Variants in TMEM217 observed in about 807,000 individuals in gnomAD.
TMEM217 encodes the protein transmembrane protein 217.
For missense variants in TMEM217, 204 were observed against 248.8 expected, an observed-to-expected ratio of 0.82 and a Z score of 1.21; for synonymous variants, 76 against 88.3, an observed-to-expected ratio of 0.86 and a Z score of 0.78.
At chr6:37,251,463 T>C (rs759753552) in intron 1 of TMEM217, among the ~76,000 whole-genome samples, 2 of 152,196 alleles carry the variant, frequency 1.3e-5, no homozygotes, top group Non-Finnish European at 2.9e-5. Context: ...GAAATGAGAA[T>C]TGAGGAATAT....
chr6:37,215,227 T>C (rs772858655), downstream of TMEM217: 1 of 1,613,960 alleles, frequency 6.2e-7, no homozygotes, highest in Non-Finnish European at 8.5e-7. Flanking sequence ...TATCTACAGG[T>C]GCTGGGGGCT....
chr6:37,230,736 G>A (rs1412494281), intron 1 of TMEM217, among the ~76,000 whole-genome samples: 1 of 152,134 alleles, frequency 6.6e-6, no homozygotes, highest in Non-Finnish European at 1.5e-5. Context: ...TGTAGTTATA[G>A]AAGCCCTAGC....
intron 1 of TMEM217, among the ~76,000 whole-genome samples, chr6:37,224,929 A>G (rs1583444548): frequency 6.6e-6 from 1 of 152,078 alleles, no homozygotes; most frequent in African/African-American, 2.4e-5. Flanking sequence ...CTGTAATCCC[A>G]GCACTTTGGG....
downstream of TMEM217, chr6:37,212,828 G>T: frequency 1.0e-6 from 1 of 995,010 alleles, no homozygotes; most frequent in Non-Finnish European, 1.6e-6. Flanking sequence ...CAAGTGACTA[G>T]CTCCGACTTT....
intron 1 of TMEM217, among the ~76,000 whole-genome samples, chr6:37,256,016 A>G (rs551967179): frequency 1.3e-5 from 2 of 152,218 alleles, no homozygotes; most frequent in Non-Finnish European, 2.9e-5. Context: ...TTCATAGAAG[A>G]TTAAGAAAAA....
intron 1 of TMEM217, among the ~76,000 whole-genome samples, chr6:37,221,712 A>G (rs2113822097): frequency 6.6e-6 from 1 of 152,346 alleles, no homozygotes; most frequent in Middle Eastern, 3.4e-3. Flanking sequence ...CTCTGTGGCC[A>G]GCGGCACCTT....
intron 1 of TMEM217, among the ~76,000 whole-genome samples, chr6:37,252,635 ATATTTTTT>A (rs1235610563): frequency 0.027 from 1,608 of 60,236 alleles, 18 homozygotes; most frequent in African/African-American, 0.084. Flanking sequence ...ATATATATAT[ATATTTTTT>A]TTTTTTTTTT....
intron 1 of TMEM217, among the ~76,000 whole-genome samples, chr6:37,225,867 C>A (rs1012455409): frequency 6.6e-5 from 10 of 152,072 alleles, no homozygotes; most frequent in Non-Finnish European, 1.5e-4. Context: ...ATTAGGGGTG[C>A]TCTCACCTTC....
At chr6:37,233,370 T>C (rs775719454) in intron 1 of TMEM217, among the ~76,000 whole-genome samples, 10 of 152,132 alleles carry the variant, frequency 6.6e-5, no homozygotes, top group Non-Finnish European at 1.2e-4. Flanking sequence ...ACTGGGAAAT[T>C]TATAAACAAC....
chr6:37,251,855 T>C (rs1765416545), intron 1 of TMEM217, among the ~76,000 whole-genome samples: 1 of 152,264 alleles, frequency 6.6e-6, no homozygotes, highest in African/African-American at 2.4e-5. Context: ...TCTGGTATGC[T>C]ATTTTTATAT....
At chr6:37,233,777 A>T (rs1764338624) in intron 1 of TMEM217, among the ~76,000 whole-genome samples, 1 of 152,146 alleles carries the variant, frequency 6.6e-6, no homozygotes, top group Non-Finnish European at 1.5e-5. Context: ...TAACTAACGA[A>T]GTTACTAACT....
intron 1 of TMEM217, among the ~76,000 whole-genome samples, chr6:37,253,842 T>C (rs1020525219): frequency 2.0e-5 from 3 of 152,222 alleles, no homozygotes; most frequent in African/African-American, 7.2e-5. Context: ...TTTCTCTCCC[T>C]ACTCAAGGAT....
chr6:37,231,131 C>T (rs999124738), intron 1 of TMEM217, among the ~76,000 whole-genome samples: 9 of 151,806 alleles, frequency 5.9e-5, no homozygotes, highest in Admixed American at 3.3e-4. Flanking sequence ...ATGATCTCTG[C>T]TCACTGCAAC....
intron 1 of TMEM217, among the ~76,000 whole-genome samples, chr6:37,220,663 C>A (rs1266133303): frequency 6.6e-6 from 1 of 151,910 alleles, no homozygotes; most frequent in African/African-American, 2.4e-5. Context: ...CTGGCAGAAG[C>A]AAATTCAAAT....
intron 1 of TMEM217, among the ~76,000 whole-genome samples, chr6:37,249,807 T>C (rs1016502198): frequency 2.6e-5 from 4 of 152,228 alleles, no homozygotes; most frequent in African/African-American, 9.6e-5. Flanking sequence ...GTTGGAAGTG[T>C]AAAGTAGTAT....
chr6:37,216,032 T>TGAGA (rs762266406), downstream of TMEM217, among the ~76,000 whole-genome samples: 66 of 138,566 alleles, frequency 4.8e-4, 1 homozygote, highest in African/African-American at 1.6e-3. Context: ...TGTGTGTGTG[T>TGAGA]GAGAAACAGA....
chr6:37,254,603 C>G (rs965047330), intron 1 of TMEM217, among the ~76,000 whole-genome samples: 7 of 152,202 alleles, frequency 4.6e-5, no homozygotes, highest in African/African-American at 1.2e-4. Flanking sequence ...AACACTGTTT[C>G]TATCATCTTT....
chr6:37,241,151 T>C (rs1191326543), intron 1 of TMEM217, among the ~76,000 whole-genome samples: 2 of 147,750 alleles, frequency 1.4e-5, no homozygotes, highest in African/African-American at 2.5e-5. Context: ...CAGGCTGGAG[T>C]GTAGTGGCAC....
intron 1 of TMEM217, among the ~76,000 whole-genome samples, chr6:37,257,297 C>A (rs1335718316): frequency 1.3e-5 from 2 of 152,088 alleles, no homozygotes; most frequent in Non-Finnish European, 2.9e-5. Flanking sequence ...TTAGCAATCC[C>A]GGGCTATCGG....
Sources: gnomAD v4.1 joint callset for allele counts (sites outside exome capture counted in the v4.1 genomes callset) on GRCh38, gnomAD v4.1.1 for gene constraint, MANE v1.5 for transcripts, NCBI Gene and HGNC (gene_info 2026-07-23, HGNC 2026-07-21) for gene names.